ZNF423: variants seen among roughly 807,000 people sequenced by gnomAD.
ZNF423 encodes the protein Ebf-associated zinc finger protein.
Under a neutral mutation model 95.8 loss-of-function variants are expected in ZNF423, and 12 were observed. The observed-to-expected ratio is 0.13, with a 90% CI of 0.08 to 0.20. ZNF423 has a LOEUF of 0.20. Ranked by LOEUF, ZNF423 falls within the 10% of genes least tolerant of loss-of-function variation. The pLI is 1.00. For missense variants in ZNF423, 1,316 were observed against 1,737.1 expected (o/e 0.76, Z 4.31); for synonymous variants, 749 against 711.9 (o/e 1.05, Z -0.83).
chr16:49,565,696 G>A (rs1330738530), intron 5 of ZNF423, among the ~76,000 whole-genome samples: 1 of 152,288 alleles, frequency 6.6e-6, no homozygotes, highest in East Asian at 1.9e-4. Flanking sequence ...GACCCATCGG[G>A]GCTCCGTGAA....
intron 7 of ZNF423, among the ~76,000 whole-genome samples, chr16:49,496,079 G>T (rs138167894): frequency 2.8e-4 from 42 of 152,344 alleles, no homozygotes; most frequent in African/African-American, 9.4e-4. Flanking sequence ...CTTGTCCTTG[G>T]CAAGTGCTCC....
chr16:49,600,845 C>T (rs898370791), intron 5 of ZNF423, among the ~76,000 whole-genome samples: 3 of 152,198 alleles, frequency 2.0e-5, no homozygotes, highest in African/African-American at 7.2e-5. Context: ...AAATAAATCA[C>T]CGTCGCTCAG....
chr16:49,497,144 C>G (rs1431390911), intron 7 of ZNF423, among the ~76,000 whole-genome samples: 1 of 152,122 alleles, frequency 6.6e-6, no homozygotes. Context: ...GGGAGGACAG[C>G]CTCAGGGAGA....
chr16:49,856,394 C>T (rs2035370527), upstream of ZNF423, among the ~76,000 whole-genome samples: 1 of 142,362 alleles, frequency 7.0e-6, no homozygotes, highest in Admixed American at 7.0e-5. Context: ...GACCGGGAGG[C>T]GGTCGGGAGC....
intron 7 of ZNF423, among the ~76,000 whole-genome samples, chr16:49,501,725 C>T (rs1179362135): frequency 1.3e-5 from 2 of 152,014 alleles, no homozygotes; most frequent in Non-Finnish European, 2.9e-5. Flanking sequence ...ATGTCCTTTG[C>T]AGCAACATGG....
At position 49,635,053 on chromosome 16, in the gene ZNF423, C is replaced by T. The variant is rs561977946; in HGVS notation, c.3516+607G>A. 2.8e-3 allele frequency among the ~76,000 whole-genome samples: 431 copies of T among 152,326 alleles called. 5 individuals are homozygous for T. The highest frequency in any genetic ancestry group is 5.0e-3 in the Non-Finnish European group (339 of 68,030). The stretch of plus-strand genomic sequence containing the variant: ...CAGCAATTGAAACCACATCAAAGGG[C>T]CTTCCACATACCAGCAACTGCACTA... On this transcript the variant is annotated intron_variant, in intron 4 of 7. Coordinates refer to ENST00000563137, the MANE Select transcript of ZNF423 (RefSeq NM_001379286.1). The surrounding 1 kb of genome is among the most constrained non-coding windows in gnomAD (Gnocchi z 4.8).
At chr16:49,547,201 T>A (rs1247545777) in intron 5 of ZNF423, among the ~76,000 whole-genome samples, 1 of 151,960 alleles carries the variant, frequency 6.6e-6, no homozygotes, top group Non-Finnish European at 1.5e-5. Flanking sequence ...ATTGCAGGGG[T>A]TTCTGCTTGT....
chr16:49,514,619 G>T (rs912522298), intron 7 of ZNF423, among the ~76,000 whole-genome samples: 4 of 152,216 alleles, frequency 2.6e-5, no homozygotes, highest in Non-Finnish European at 5.9e-5. Flanking sequence ...GCTCCGGGTT[G>T]CTTGTTAGAA....
chr16:49,730,117 C>T lies in ZNF423; in HGVS notation c.301+654G>A, dbSNP rs896389059. ...TGCACATGCCCTCTGACTCCCCACC[C>T]CAATCACCCCAGACAAATACACATA... On this transcript the variant is annotated intron_variant, in intron 3 of 7. Transcript: ENST00000563137. 2.6e-5 allele frequency among the ~76,000 whole-genome samples: 4 copies of T among 152,284 alleles called. No individual in the cohort carries two copies. In the South Asian group the frequency reaches 8.3e-4, roughly 32 times the overall value.
At chr16:49,532,556 G>C (rs1272387334) in intron 5 of ZNF423, among the ~76,000 whole-genome samples, 6 of 152,232 alleles carry the variant, frequency 3.9e-5, no homozygotes, top group Admixed American at 3.9e-4. Flanking sequence ...CCCCACGGGG[G>C]ACCCAGAGCC....
intron 7 of ZNF423, among the ~76,000 whole-genome samples, chr16:49,506,146 G>A (rs143613587): frequency 6.6e-4 from 100 of 152,308 alleles, no homozygotes; most frequent in African/African-American, 2.2e-3. Context: ...AAGAGCACAC[G>A]AAGAAGGCAT....
chr16:49,659,428 C>A (rs1223811516), intron 3 of ZNF423, among the ~76,000 whole-genome samples: 1 of 152,220 alleles, frequency 6.6e-6, no homozygotes, highest in African/African-American at 2.4e-5. Flanking sequence ...ACACATAATC[C>A]TTTCACTAGA....
rs1460623496 is a variant in ZNF423, at chr16:49,488,501, C to T, written c.*2774G>A. On this transcript the variant is annotated 3_prime_UTR_variant, in exon 8 of 8. Transcript: ENST00000563137. ...GGCTTTCAGTCACCTCGCCCACTCC[C>T]CAAAGCCAAATCCAAATGAGAGGCT... is the stretch of plus-strand genomic sequence containing the variant. The T allele has an allele frequency of 1.3e-5, 2 of 152,260 alleles. No homozygotes were observed. The highest frequency in any genetic ancestry group is 4.8e-5 in the African/African-American group (2 of 41,464). The allele number at this position is 152,260 out of a possible 1,614,324, so 9.4% of individuals were successfully genotyped here.
Position 49,855,570 on chromosome 16 carries a change from TCCTCCGCCTCCG to T in ZNF423, c.40+153_40+164del, listed in dbSNP as rs759803732. Among the ~76,000 whole-genome samples the T allele has an allele frequency of 1.6e-4, 22 of 141,304 alleles. No individual in the cohort carries two copies. The highest frequency in any genetic ancestry group is 2.4e-4 in the South Asian group (1 of 4,194). The allele number at this position is 141,304 out of a possible 152,430, so 92.7% of individuals were successfully genotyped here. On this transcript the variant is annotated intron_variant, in intron 1 of 7. Coordinates refer to ENST00000563137, the MANE Select transcript of ZNF423 (RefSeq NM_001379286.1). The surrounding 1 kb of genome is among the most constrained non-coding windows in gnomAD (Gnocchi z 4.7). ...CCTGCTCCCGGCTTCCTCCTCCCCC[TCCTCCGCCTCCG>T]CCTCCGCCTCCGCCTCCTCTGCCGC...
intron 5 of ZNF423, among the ~76,000 whole-genome samples, chr16:49,547,873 G>C (rs1292854997): frequency 1.3e-5 from 2 of 152,200 alleles, no homozygotes; most frequent in African/African-American, 4.8e-5. Context: ...ACCCCACACA[G>C]AATTTACATA....
intron 2 of ZNF423, among the ~76,000 whole-genome samples, chr16:49,788,795 T>A (rs1396758944): frequency 6.6e-6 from 1 of 152,216 alleles, no homozygotes; most frequent in Non-Finnish European, 1.5e-5. Flanking sequence ...CCTGGCTGCA[T>A]GAGGAGCAAA....
intron 2 of ZNF423, among the ~76,000 whole-genome samples, chr16:49,774,652 G>C (rs2034090567): frequency 6.6e-6 from 1 of 152,172 alleles, no homozygotes; most frequent in African/African-American, 2.4e-5. Context: ...CCAGTAAGAA[G>C]TAAGCAACAG....
intron 5 of ZNF423, among the ~76,000 whole-genome samples, chr16:49,579,667 T>A (rs1396653080): frequency 6.6e-6 from 1 of 152,080 alleles, no homozygotes; most frequent in Non-Finnish European, 1.5e-5. Flanking sequence ...ACATAATTCA[T>A]GAGGGGCTGG....
At chr16:49,493,726 G>A (rs1967057061) in intron 7 of ZNF423, among the ~76,000 whole-genome samples, 1 of 152,190 alleles carries the variant, frequency 6.6e-6, no homozygotes, top group South Asian at 2.1e-4. Context: ...GAAAGAAAAC[G>A]AATGAATGTA....
Sources: allele counts gnomAD v4.1 joint callset (sites outside exome capture counted in the v4.1 genomes callset), GRCh38; gene constraint gnomAD v4.1.1; non-coding constraint Gnocchi (gnomAD v3.1); transcripts MANE v1.5; gene names NCBI Gene and HGNC (gene_info 2026-07-23, HGNC 2026-07-21).